Variants in TNS1 observed in about 807,000 individuals in gnomAD.
TNS1 encodes tensin 1, also known as tensin-1.
Under a neutral mutation model 168.6 loss-of-function variants are expected in TNS1, and 62 were observed. The observed-to-expected ratio is 0.37, with a 90% confidence interval of 0.30 to 0.45. The LOEUF (loss-of-function observed/expected upper bound fraction) is 0.45. Among genes scored for constraint, TNS1 ranks in the 20% least tolerant of loss-of-function variants. The pLI is 1.00. For synonymous variants in TNS1, 934 were observed against 933.2 expected, an observed-to-expected ratio of 1.00 and a Z score of -0.02; for missense variants, 2,240 against 2,339.4, an observed-to-expected ratio of 0.96 and a Z score of 0.88.
rs149832699 is a variant in TNS1, at chr2:217,847,724, G to A, written c.2793C>T (p.Asn931=). The A allele has an allele frequency of 6.2e-7, 1 of 1,607,488 alleles. No individual in the cohort carries two copies. The highest frequency in any genetic ancestry group is 1.3e-5 in the African/African-American group (1 of 74,954). The part of the protein sequence containing the change: ...YDYQPCLAGP[N]QDFHSKSPAS... ...CTGGGCTCTTTGAATGGAAATCCTG[G>A]TTAGGCCCAGCCAAACATGGCTGAT... The change falls in exon 19 of 33, where the codon AAC becomes AAT. Residue 931 remains asparagine, a synonymous_variant. Coordinates refer to ENST00000682258, the MANE Select transcript of TNS1 (RefSeq NM_001387777.1).
intron 3 of TNS1, among the ~76,000 whole-genome samples, chr2:217,968,007 C>A (rs575634852): frequency 6.6e-6 from 1 of 152,240 alleles, no homozygotes; most frequent in South Asian, 2.1e-4. Flanking sequence ...AACTGAAAAT[C>A]AATTGATGTA....
intron 28 of TNS1, among the ~76,000 whole-genome samples, chr2:217,810,716 G>T (rs563234960): frequency 6.6e-6 from 1 of 152,274 alleles, no homozygotes; most frequent in East Asian, 1.9e-4. Context: ...ATATATCTTT[G>T]TGTAGGTCAA....
intron 24 of TNS1, chr2:217,815,213 G>A: frequency 1.8e-6 from 1 of 565,772 alleles, no homozygotes; most frequent in South Asian, 2.1e-5. Flanking sequence ...AGAGGAGACA[G>A]AGATACACAC....
At chr2:217,964,894 C>T (rs964821914) in intron 3 of TNS1, among the ~76,000 whole-genome samples, 4 of 152,228 alleles carry the variant, frequency 2.6e-5, no homozygotes, top group African/African-American at 9.6e-5. Context: ...AACGGCCCCC[C>T]GCTAACATCC....
intron 3 of TNS1, among the ~76,000 whole-genome samples, chr2:217,949,664 C>T (rs1458169301): frequency 1.3e-5 from 2 of 152,064 alleles, no homozygotes; most frequent in Non-Finnish European, 1.5e-5. Flanking sequence ...CATCCTCTGC[C>T]CTGGCTTGTT....
At chr2:217,815,868 A>G (rs41383244) in intron 24 of TNS1, among the ~76,000 whole-genome samples, 36,670 of 152,022 alleles carry the variant, frequency 0.24, 5,613 homozygotes, top group Middle Eastern at 0.47. Flanking sequence ...TGCATCACAT[A>G]GAACAAAAAA....
intron 2 of TNS1, chr2:217,987,059 T>C (rs1022704652): frequency 6.6e-6 from 1 of 152,214 alleles, no homozygotes; most frequent in African/African-American, 2.4e-5. Context: ...TAATCATAGA[T>C]GAGGAAACTG....
rs1019480016 is a variant in TNS1, at chr2:218,032,430, G to T, written c.156+1390C>A. Among the ~76,000 whole-genome samples the T allele has an allele frequency of 6.6e-6, 1 of 152,162 alleles. No individual in the cohort carries two copies. ...GCTGTGCTGAGGGGACAGGAGAATA[G>T]CGAGGCTGGGTGTGGACACAGGCAG... is the stretch of plus-strand genomic sequence containing the variant. On this transcript the variant is annotated intron_variant, in intron 1 of 1. Transcript: ENST00000649572. This position sits in a 1 kb window ranked among gnomAD's most constrained non-coding sequence, Gnocchi z 4.0.
intron 3 of TNS1, among the ~76,000 whole-genome samples, chr2:217,976,591 C>T (rs1169533063): frequency 6.6e-6 from 1 of 152,228 alleles, no homozygotes; most frequent in African/African-American, 2.4e-5. Flanking sequence ...CAGAGCAGCA[C>T]TGCGGCAGCC....
chr2:217,958,003 T>TCACACACACACACACGCACACA (rs1957407062), intron 3 of TNS1, among the ~76,000 whole-genome samples: 1 of 145,738 alleles, frequency 6.9e-6, no homozygotes, highest in African/African-American at 2.6e-5. Flanking sequence ...AATAAAGAAT[T>TCACACACACACACACGCACACA]CACACACACA....
At chr2:217,870,997 G>C (rs966215481) in intron 18 of TNS1, among the ~76,000 whole-genome samples, 1 of 152,184 alleles carries the variant, frequency 6.6e-6, no homozygotes, top group Admixed American at 6.5e-5. Context: ...CCTCTTGGGG[G>C]AGGCAAAAGA....
intron 6 of TNS1, among the ~76,000 whole-genome samples, chr2:217,905,801 GC>G: frequency 6.6e-6 from 1 of 152,292 alleles, no homozygotes; most frequent in South Asian, 2.1e-4. Context: ...TCAGGCATCC[GC>G]CCCTTCCCCT....
At chr2:217,842,159 C>G in intron 19 of TNS1, 2 of 702,534 alleles carry the variant, frequency 2.8e-6, no homozygotes, top group Middle Eastern at 2.3e-4. Context: ...CTTGGGACCT[C>G]TCCTTACCTG....
At chr2:217,856,398 A>T (rs1370892418) in intron 18 of TNS1, among the ~76,000 whole-genome samples, 3 of 152,154 alleles carry the variant, frequency 2.0e-5, no homozygotes. Flanking sequence ...TCAGTCTGTG[A>T]CAGTCTTGGC....
rs56886627 is a variant in TNS1, at chr2:217,880,072, A to G, written c.1429+826T>C. ...CCCAGCTCCAACATTCTGCAGTCCT[A>G]CGACCAACTCAAGAAAAGAAGCTTG... On this transcript the variant is annotated intron_variant, in intron 18 of 32. Coordinates refer to ENST00000682258, the MANE Select transcript of TNS1 (RefSeq NM_001387777.1). This position sits in a 1 kb window ranked among gnomAD's most constrained non-coding sequence, Gnocchi z 4.2. Among the ~76,000 whole-genome samples the G allele has an allele frequency of 0.082, 12,414 of 152,276 alleles. 558 individuals carry two copies. The highest frequency in any genetic ancestry group is 0.13 in the South Asian group (636 of 4,824).
At chr2:217,822,864 G>C (rs926021923) in intron 22 of TNS1, among the ~76,000 whole-genome samples, 15 of 152,180 alleles carry the variant, frequency 9.9e-5, no homozygotes, top group African/African-American at 3.6e-4. Flanking sequence ...AGAGGAAGAA[G>C]CAACAGAACG....
chr2:217,852,875 T>C (rs1381776846), intron 18 of TNS1, among the ~76,000 whole-genome samples: 1 of 152,178 alleles, frequency 6.6e-6, no homozygotes, highest in African/African-American at 2.4e-5. Context: ...GGCCCCAGAT[T>C]GCACCCTCCA....
At chr2:217,932,236 A>C (rs1213138037) in intron 3 of TNS1, among the ~76,000 whole-genome samples, 1 of 152,190 alleles carries the variant, frequency 6.6e-6, no homozygotes, top group Non-Finnish European at 1.5e-5. Context: ...TTCTAACTAC[A>C]GGGTAAGAGG....
At chr2:217,905,389 G>A in intron 6 of TNS1, 1 of 451,686 alleles carries the variant, frequency 2.2e-6, no homozygotes, top group Non-Finnish European at 4.5e-6. Context: ...CCGCTTTGTA[G>A]GGCTGGACAT....
Sources: allele counts gnomAD v4.1 joint callset (sites outside exome capture counted in the v4.1 genomes callset), GRCh38; gene constraint gnomAD v4.1.1; non-coding constraint Gnocchi (gnomAD v3.1); transcripts MANE v1.5; gene names NCBI Gene and HGNC (gene_info 2026-07-23, HGNC 2026-07-21).